Variants in RSPO2 observed in about 807,000 individuals in gnomAD.
RSPO2 encodes the protein R-spondin-2.
In RSPO2, 14 loss-of-function variants were observed where a neutral mutation model predicts 30.9. The ratio of observed to expected loss-of-function variants is 0.45; its 90% CI spans 0.30 to 0.71. RSPO2 has a LOEUF of 0.71. RSPO2 is among the 30% of genes least tolerant of loss of function. RSPO2 has a pLI of 0.08. For synonymous variants in RSPO2, 107 were observed against 96.4 expected, an observed-to-expected ratio of 1.11 and a Z score of -0.64; for missense variants, 264 against 301.9, an observed-to-expected ratio of 0.87 and a Z score of 0.93.
intron 3 of RSPO2, among the ~76,000 whole-genome samples, chr8:107,986,063 C>A (rs1287118971): frequency 6.6e-6 from 1 of 152,158 alleles, no homozygotes; most frequent in Admixed American, 6.5e-5. Flanking sequence ...TTCTTCTCTA[C>A]TATTGAGCGA....
chr8:108,080,787 A>G (rs1813169684), intron 2 of RSPO2, among the ~76,000 whole-genome samples: 1 of 152,232 alleles, frequency 6.6e-6, no homozygotes, highest in Admixed American at 6.5e-5. Flanking sequence ...AAAGGATTTT[A>G]GACATTTCTA....
chr8:108,078,538 AT>A (rs1373590838), intron 2 of RSPO2, among the ~76,000 whole-genome samples: 1 of 151,784 alleles, frequency 6.6e-6, no homozygotes, highest in African/African-American at 2.4e-5. Context: ...TAAAAAAAAA[AT>A]TCGAATCTTT....
At chr8:108,051,535 T>C (rs765170957) in intron 2 of RSPO2, among the ~76,000 whole-genome samples, 2 of 152,116 alleles carry the variant, frequency 1.3e-5, no homozygotes, top group Admixed American at 6.5e-5. Context: ...AAAATAGCAA[T>C]GCGTGAATGG....
intron 2 of RSPO2, among the ~76,000 whole-genome samples, chr8:108,035,420 C>T (rs993129110): frequency 2.6e-5 from 4 of 152,092 alleles, no homozygotes; most frequent in African/African-American, 7.2e-5. Flanking sequence ...ACTGTTGATT[C>T]CTCACCAGTT....
intron 2 of RSPO2, among the ~76,000 whole-genome samples, chr8:108,067,327 G>C (rs535863368): frequency 3.9e-4 from 59 of 152,232 alleles, no homozygotes; most frequent in African/African-American, 1.3e-3. Context: ...AATTTTGTCA[G>C]GTAGATTAAT....
intron 5 of RSPO2, among the ~76,000 whole-genome samples, chr8:107,934,100 T>C (rs1181317213): frequency 6.6e-6 from 1 of 152,200 alleles, no homozygotes; most frequent in African/African-American, 2.4e-5. Flanking sequence ...TATAAAATTA[T>C]GTTTTACAAT....
chr8:108,056,114 T>C (rs553303247), intron 2 of RSPO2, among the ~76,000 whole-genome samples: 1 of 152,288 alleles, frequency 6.6e-6, no homozygotes, highest in South Asian at 2.1e-4. Context: ...CTGCAGAGAT[T>C]ATGTATTATA....
At chr8:107,934,371 C>T (rs959305945) in intron 5 of RSPO2, among the ~76,000 whole-genome samples, 3 of 141,834 alleles carry the variant, frequency 2.1e-5, no homozygotes, top group African/African-American at 7.7e-5. Context: ...TCTCATTTCC[C>T]TTTTTTTTTT....
intron 5 of RSPO2, among the ~76,000 whole-genome samples, chr8:107,917,034 G>A (rs1048177291): frequency 3.3e-5 from 5 of 152,096 alleles, no homozygotes; most frequent in East Asian, 1.9e-4. Context: ...ATATTAAAAC[G>A]TAATGAAAGG....
chr8:108,071,742 C>CAT lies in RSPO2; in HGVS notation c.94+10801_94+10802dup, dbSNP rs552558206. ...CTCAAAATTCCCTTAAACACACACACATCTGAAGAAAGTGAACCTCTAGAA... is the reference window on the plus strand; with the variant it reads ...CTCAAAATTCCCTTAAACACACACACATATCTGAAGAAAGTGAACCTCTAGAA... On this transcript the variant is annotated intron_variant, in intron 2 of 5. Coordinates refer to ENST00000276659, the MANE Select transcript of RSPO2 (RefSeq NM_178565.5). 7.9e-5 allele frequency among the ~76,000 whole-genome samples: 12 copies of CAT among 152,316 alleles called. No homozygotes were observed. In the South Asian group the frequency reaches 2.3e-3, roughly 29 times the overall value.
intron 2 of RSPO2, among the ~76,000 whole-genome samples, chr8:108,035,542 C>T (rs904621924): frequency 2.6e-5 from 4 of 152,198 alleles, no homozygotes; most frequent in African/African-American, 9.7e-5. Context: ...GCGATCTTGG[C>T]TCACTGCAAG....
Position 108,082,888 on chromosome 8 carries a change from A to G in RSPO2, c.-169-81T>C, listed in dbSNP as rs1025789645. 2.1e-4 allele frequency: 100 copies of G among 487,178 alleles called. No homozygotes were observed. In the East Asian group the frequency reaches 3.2e-3, roughly 16 times the overall value. The allele number at this position is 487,178 out of a possible 1,614,324, so 30.2% of individuals were successfully genotyped here. ...GGCAGCTGCGCCTTCGCACGTCCCAATTTAAAGAAGAGAGGGAAGGAGGAA... is the reference window on the plus strand; with the variant it reads ...GGCAGCTGCGCCTTCGCACGTCCCAGTTTAAAGAAGAGAGGGAAGGAGGAA... On this transcript the variant is annotated intron_variant, in intron 1 of 5. Coordinates refer to ENST00000276659, the MANE Select transcript of RSPO2 (RefSeq NM_178565.5).
intron 3 of RSPO2, among the ~76,000 whole-genome samples, chr8:107,970,673 T>C (rs1456757630): frequency 6.6e-6 from 1 of 152,206 alleles, no homozygotes; most frequent in Non-Finnish European, 1.5e-5. Flanking sequence ...GAATGACAAC[T>C]CCTGATCAGT....
chr8:107,965,296 G>A (rs1430621109), intron 3 of RSPO2, among the ~76,000 whole-genome samples: 1 of 152,206 alleles, frequency 6.6e-6, no homozygotes, highest in Non-Finnish European at 1.5e-5. Flanking sequence ...AATACAGTCT[G>A]ATGGGGCTGT....
intron 2 of RSPO2, among the ~76,000 whole-genome samples, chr8:108,046,052 A>G (rs951939810): frequency 2.0e-5 from 3 of 152,186 alleles, no homozygotes; most frequent in African/African-American, 7.2e-5. Flanking sequence ...CAAGACAGGT[A>G]TTGTTAAATG....
At chr8:107,906,010 T>A (rs1479579446) in intron 5 of RSPO2, among the ~76,000 whole-genome samples, 1 of 151,956 alleles carries the variant, frequency 6.6e-6, no homozygotes, top group Non-Finnish European at 1.5e-5. Flanking sequence ...GAGATGCCAC[T>A]ACAAAGATCC....
Position 108,046,697 on chromosome 8 carries a change from C to T in RSPO2, c.94+35848G>A, listed in dbSNP as rs73700374. Among the ~76,000 whole-genome samples, 405 of 152,262 alleles carry T rather than the reference C, an allele frequency of 2.7e-3. 1 individual carries two copies. Among genetic ancestry groups the T allele is most frequent in the African/African-American group, 9.3e-3 (388 of 41,550 alleles). ...CACCCGTGGTTTGAAACAGTGCATG[C>T]TTCAAGTCTATAATTCAAGTCATAT... On this transcript the variant is annotated intron_variant, in intron 2 of 5. Coordinates refer to ENST00000276659, the MANE Select transcript of RSPO2 (RefSeq NM_178565.5).
chr8:107,975,771 G>A (rs527863644), intron 3 of RSPO2, among the ~76,000 whole-genome samples: 2 of 151,996 alleles, frequency 1.3e-5, no homozygotes, highest in Admixed American at 1.3e-4. Flanking sequence ...AAAATCAATT[G>A]ACAATTGTGA....
chr8:107,986,068 G>A (rs536989328), intron 3 of RSPO2, among the ~76,000 whole-genome samples: 2 of 152,152 alleles, frequency 1.3e-5, no homozygotes, highest in East Asian at 1.9e-4. Flanking sequence ...CTCTACTATT[G>A]AGCGATAATC....
Sources: gnomAD v4.1 joint callset for allele counts (sites outside exome capture counted in the v4.1 genomes callset) on GRCh38, gnomAD v4.1.1 for gene constraint, MANE v1.5 for transcripts, NCBI Gene and HGNC (gene_info 2026-07-23, HGNC 2026-07-21) for gene names.